The following TACC2 variants were observed in gnomAD, a reference collection of about 807,000 sequenced individuals.
TACC2 encodes transforming acidic coiled-coil-containing protein 2.
In TACC2, 137 loss-of-function variants were observed where a neutral mutation model predicts 227.3. That is an observed-to-expected ratio of 0.60 (90% confidence interval 0.52 to 0.69). The LOEUF (loss-of-function observed/expected upper bound fraction) is 0.69, where lower values mean the gene tolerates loss of function less well. Ranked by LOEUF, TACC2 falls within the 30% of genes least tolerant of loss-of-function variation. The probability of loss-of-function intolerance (pLI) is 0.00; values close to 1 mark genes in which losing one functional copy is unlikely to be tolerated. For missense variants in TACC2, 3,470 were observed against 3,694.4 expected, an observed-to-expected ratio of 0.94 and a Z score of 1.57; for synonymous variants, 1,523 against 1,487.5, an observed-to-expected ratio of 1.02 and a Z score of -0.55.
chr10:122,068,974 A>G (rs1463557620), intron 3 of TACC2, among the ~76,000 whole-genome samples: 1 of 143,964 alleles, frequency 6.9e-6, no homozygotes, highest in East Asian at 2.1e-4. Flanking sequence ...CTGGCATTAC[A>G]GGCGTGAGGC....
chr10:122,244,679 T>A (rs1412198738), intron 19 of TACC2, among the ~76,000 whole-genome samples: 1 of 152,088 alleles, frequency 6.6e-6, no homozygotes, highest in Non-Finnish European at 1.5e-5. Flanking sequence ...GTAACCAGCA[T>A]CCCTTGTGAA....
At chr10:122,179,244 T>C (rs1315520288) in intron 7 of TACC2, among the ~76,000 whole-genome samples, 1 of 152,204 alleles carries the variant, frequency 6.6e-6, no homozygotes, top group Non-Finnish European at 1.5e-5. Context: ...TTATGTGATG[T>C]GGGAAATTGT....
chr10:122,069,587 C>T (rs2077800259), intron 3 of TACC2, among the ~76,000 whole-genome samples: 1 of 152,158 alleles, frequency 6.6e-6, no homozygotes, highest in African/African-American at 2.4e-5. Context: ...CTCCTTTCCT[C>T]TGTCTTCCTT....
chr10:122,229,043 C>T (rs1461929449), intron 14 of TACC2, among the ~76,000 whole-genome samples: 1 of 151,974 alleles, frequency 6.6e-6, no homozygotes, highest in African/African-American at 2.4e-5. Context: ...GCTAACTGGC[C>T]TTTCACCTTC....
rs1418230729 is a variant in TACC2, at chr10:122,194,490, C to G, written c.5835-550C>G. ...TTCACCCACTCAACACATGTTCATT[C>G]CCGGCCCTCCACTGTAGGCTTGGAG... On this transcript the variant is annotated intron_variant, in intron 7 of 22. Coordinates refer to ENST00000369005, the MANE Select transcript of TACC2 (RefSeq NM_206862.4). This position sits in a 1 kb window ranked among gnomAD's most constrained non-coding sequence, Gnocchi z 4.4. Among the ~76,000 whole-genome samples the G allele has an allele frequency of 6.6e-6, 1 of 152,232 alleles. No individual in the cohort carries two copies. The highest frequency in any genetic ancestry group is 1.5e-5 in the Non-Finnish European group (1 of 68,054).
chr10:122,187,952 G>C (rs1240797793), intron 7 of TACC2, among the ~76,000 whole-genome samples: 1 of 152,112 alleles, frequency 6.6e-6, no homozygotes, highest in South Asian at 2.1e-4. Context: ...TGCTTGTCAA[G>C]GGGAGCTGGG....
At chr10:122,252,816 T>A (rs1426227462) in intron 22 of TACC2, among the ~76,000 whole-genome samples, 1 of 152,180 alleles carries the variant, frequency 6.6e-6, no homozygotes, top group African/African-American at 2.4e-5. Flanking sequence ...TTAAGATTAG[T>A]GGTCAGTGCT....
chr10:122,026,252 C>G (rs1342070309), intron 2 of TACC2, among the ~76,000 whole-genome samples: 1 of 136,794 alleles, frequency 7.3e-6, no homozygotes, highest in Non-Finnish European at 1.5e-5. Flanking sequence ...AGCATGAACC[C>G]GGGAGGCGGA....
intron 1 of TACC2, among the ~76,000 whole-genome samples, chr10:122,013,409 A>G (rs978973608): frequency 2.0e-5 from 3 of 152,158 alleles, no homozygotes; most frequent in African/African-American, 4.8e-5. Flanking sequence ...TGTTTGTATT[A>G]AAACGGGAAC....
At chr10:122,170,546 C>A (rs2093419578) in intron 7 of TACC2, among the ~76,000 whole-genome samples, 1 of 152,096 alleles carries the variant, frequency 6.6e-6, no homozygotes, top group Non-Finnish European at 1.5e-5. Flanking sequence ...AAATGGTATG[C>A]CTGCCTCAGC....
chr10:122,079,885 G>C (rs533282113), intron 3 of TACC2, among the ~76,000 whole-genome samples: 4 of 152,348 alleles, frequency 2.6e-5, no homozygotes, highest in South Asian at 4.1e-4. Context: ...CTGAGGCCTA[G>C]TGAATTTCAT....
chr10:122,026,934 G>A (rs1006118686), intron 2 of TACC2, among the ~76,000 whole-genome samples: 2 of 152,178 alleles, frequency 1.3e-5, no homozygotes, highest in African/African-American at 4.8e-5. Context: ...ATCTATGTGC[G>A]GATTTTTGTG....
chr10:122,153,718 T>C (rs1349318190), intron 7 of TACC2, among the ~76,000 whole-genome samples: 1 of 152,228 alleles, frequency 6.6e-6, no homozygotes, highest in South Asian at 2.1e-4. Flanking sequence ...ATTTAAACCT[T>C]GCACCCTCGA....
chr10:122,048,435 T>TCCTC (rs142187179), intron 2 of TACC2, among the ~76,000 whole-genome samples: 22,681 of 133,130 alleles, frequency 0.17, 2,676 homozygotes, highest in Non-Finnish European at 0.24. Context: ...CCTCCTTGCT[T>TCCTC]CCTCCCTCCC....
intron 11 of TACC2, 174 bp downstream of exon 11, chr10:122,217,002 TG>T: frequency 7.4e-7 from 1 of 1,348,388 alleles, no homozygotes; most frequent in Middle Eastern, 2.2e-4. Flanking sequence ...GAAAACAGCC[TG>T]AGACTTGAAA....
chr10:122,059,989 A>G (rs1241297994), intron 3 of TACC2, among the ~76,000 whole-genome samples: 1 of 152,172 alleles, frequency 6.6e-6, no homozygotes, highest in Non-Finnish European at 1.5e-5. Context: ...AGGTTTGAGA[A>G]CCACTGGATT....
intron 5 of TACC2, among the ~76,000 whole-genome samples, chr10:122,106,338 AT>A (rs1485556341): frequency 6.6e-6 from 1 of 152,062 alleles, no homozygotes; most frequent in African/African-American, 2.4e-5. Context: ...ATTTGGGCTA[AT>A]TTCACATTTT....
chr10:122,053,952 G>A (rs1173782317), intron 3 of TACC2, among the ~76,000 whole-genome samples: 6 of 152,216 alleles, frequency 3.9e-5, no homozygotes, highest in African/African-American at 1.2e-4. Flanking sequence ...GGCATGGAGC[G>A]AGGGAAGAAT....
At chr10:122,098,041 G>T (rs982119607) in intron 5 of TACC2, among the ~76,000 whole-genome samples, 1 of 152,110 alleles carries the variant, frequency 6.6e-6, no homozygotes, top group African/African-American at 2.4e-5. Context: ...TGGTTAGGTG[G>T]GTAGGTAGGT....
Sources: gnomAD v4.1 joint callset for allele counts (sites outside exome capture counted in the v4.1 genomes callset) on GRCh38, gnomAD v4.1.1 for gene constraint, Gnocchi (gnomAD v3.1) non-coding constraint, MANE v1.5 for transcripts, NCBI Gene and HGNC (gene_info 2026-07-23, HGNC 2026-07-21) for gene names.